Variants in GALNT14 observed in about 807,000 individuals in gnomAD.
The protein encoded by GALNT14 is UDP-GalNAc:polypeptide N-acetylgalactosaminyltransferase 14.
A neutral mutation model predicts 77.5 loss-of-function variants in GALNT14; 60 were observed. That is an observed-to-expected ratio of 0.77 (90% confidence interval 0.63 to 0.96). The LOEUF (loss-of-function observed/expected upper bound fraction) is 0.96, where lower values mean the gene tolerates loss of function less well. Ranked by LOEUF, GALNT14 falls within the 40% of genes least tolerant of loss-of-function variation. The pLI is 0.00. For missense variants in GALNT14, 710 were observed against 731.0 expected (o/e 0.97, Z 0.33); for synonymous variants, 280 against 281.7 (o/e 0.99, Z 0.06).
intron 1 of GALNT14, among the ~76,000 whole-genome samples, chr2:31,030,339 G>GAA (rs1419980769): frequency 6.6e-6 from 1 of 150,454 alleles, no homozygotes; most frequent in Admixed American, 6.6e-5. Context: ...GGGCTGGATG[G>GAA]AAAAAAAAAT....
chr2:31,117,844 C>T (rs1266506308), intron 1 of GALNT14, among the ~76,000 whole-genome samples: 2 of 152,136 alleles, frequency 1.3e-5, no homozygotes, highest in African/African-American at 4.8e-5. Flanking sequence ...AGCTTTCTTC[C>T]ATTCAGTTAT....
intron 1 of GALNT14, among the ~76,000 whole-genome samples, chr2:31,071,654 C>T (rs1376300634): frequency 2.0e-5 from 3 of 152,124 alleles, no homozygotes; most frequent in Admixed American, 2.0e-4. Flanking sequence ...GGAATCTGCC[C>T]CCCGGTTTCT....
intron 9 of GALNT14, among the ~76,000 whole-genome samples, chr2:30,933,803 G>C (rs973271009): frequency 6.6e-6 from 1 of 152,334 alleles, no homozygotes; most frequent in South Asian, 2.1e-4. Context: ...GCTTAAGCTC[G>C]CGGAGGCCTG....
intron 3 of GALNT14, among the ~76,000 whole-genome samples, chr2:30,963,261 G>C (rs1667800294): frequency 6.6e-6 from 1 of 152,174 alleles, no homozygotes; most frequent in African/African-American, 2.4e-5. Flanking sequence ...CAGGCAGGCA[G>C]ACAGAGGAGC....
chr2:30,989,876 G>A (rs1470337791), intron 2 of GALNT14, among the ~76,000 whole-genome samples: 1 of 151,656 alleles, frequency 6.6e-6, no homozygotes, highest in Non-Finnish European at 1.5e-5. Context: ...CTGTAAACAG[G>A]GCAATCTGAT....
chr2:31,065,733 G>C (rs772374871), intron 1 of GALNT14, among the ~76,000 whole-genome samples: 2 of 152,176 alleles, frequency 1.3e-5, no homozygotes, highest in Non-Finnish European at 2.9e-5. Flanking sequence ...AATCGTGCTG[G>C]GGAGCCTCTG....
intron 1 of GALNT14, among the ~76,000 whole-genome samples, chr2:31,007,770 T>C (rs1670774045): frequency 6.6e-6 from 1 of 152,206 alleles, no homozygotes; most frequent in Non-Finnish European, 1.5e-5. Flanking sequence ...AGTTATCCGT[T>C]TCCTTAGTGC....
intron 2 of GALNT14, among the ~76,000 whole-genome samples, chr2:30,974,866 G>A (rs375995167): frequency 2.0e-5 from 3 of 152,164 alleles, no homozygotes; most frequent in South Asian, 2.1e-4. Flanking sequence ...CTAGACATAC[G>A]ATAAATGTCT....
chr2:31,096,997 C>T (rs1417657014), intron 1 of GALNT14, among the ~76,000 whole-genome samples: 1 of 152,090 alleles, frequency 6.6e-6, no homozygotes, highest in African/African-American at 2.4e-5. Flanking sequence ...TGCTTTGAGA[C>T]CACACATGAT....
At chr2:31,020,989 C>T (rs68190529) in intron 1 of GALNT14, among the ~76,000 whole-genome samples, 16,879 of 152,196 alleles carry the variant, frequency 0.11, 1,177 homozygotes, top group African/African-American at 0.19. Flanking sequence ...ATCTCAGCCA[C>T]GCAGCCCCTT....
At chr2:31,137,902 C>A (rs976141778) in intron 1 of GALNT14, 56 bp downstream of exon 1, 2 of 1,556,206 alleles carry the variant, frequency 1.3e-6, no homozygotes, top group Middle Eastern at 1.7e-4. Context: ...GGCACGCGGG[C>A]TGCGCGCCCT....
chr2:30,942,138 C>A, intron 9 of GALNT14, 63 bp downstream of exon 9: 1 of 1,216,748 alleles, frequency 8.2e-7, no homozygotes, highest in South Asian at 1.3e-5. Context: ...CCACAGAGGT[C>A]CCCGCCCCAA....
intron 1 of GALNT14, among the ~76,000 whole-genome samples, chr2:31,082,891 G>A (rs1292770468): frequency 3.3e-5 from 5 of 152,104 alleles, no homozygotes; most frequent in East Asian, 1.9e-4. Flanking sequence ...GATGGCACAC[G>A]CCTGTAGTTC....
intron 1 of GALNT14, among the ~76,000 whole-genome samples, chr2:31,112,396 T>A (rs940205228): frequency 1.3e-5 from 2 of 152,304 alleles, no homozygotes; most frequent in African/African-American, 4.8e-5. Flanking sequence ...TCATTCCTCA[T>A]GGTAAACTGT....
At chr2:31,111,995 CTT>C (rs398080139) in intron 1 of GALNT14, among the ~76,000 whole-genome samples, 1,973 of 134,076 alleles carry the variant, frequency 0.015, 38 homozygotes, top group African/African-American at 0.056. Context: ...TGTGTACTTG[CTT>C]TTTTTTTTTT....
chr2:31,130,186 A>G (rs943602480), intron 1 of GALNT14, among the ~76,000 whole-genome samples: 2 of 152,206 alleles, frequency 1.3e-5, no homozygotes, highest in African/African-American at 4.8e-5. Context: ...TGTACTTGAA[A>G]CCAGCATTGT....
intron 1 of GALNT14, chr2:31,129,172 G>C (rs879869485): frequency 1.9e-5 from 3 of 158,036 alleles, no homozygotes; most frequent in African/African-American, 7.2e-5. Flanking sequence ...TCAAAAGAGC[G>C]AGTTGAAGCC....
intron 2 of GALNT14, among the ~76,000 whole-genome samples, chr2:30,987,265 G>A (rs1669357326): frequency 2.0e-5 from 3 of 152,120 alleles, no homozygotes; most frequent in East Asian, 1.9e-4. Context: ...GCATGTAAGG[G>A]GTGAGGTGGG....
chr2:31,130,044 C>T (rs1051693659), intron 1 of GALNT14, among the ~76,000 whole-genome samples: 1 of 152,166 alleles, frequency 6.6e-6, no homozygotes, highest in Non-Finnish European at 1.5e-5. Flanking sequence ...TGTGAGTGTG[C>T]CCTGCTCTCC....
Sources: gnomAD v4.1 joint callset for allele counts (sites outside exome capture counted in the v4.1 genomes callset) on GRCh38, gnomAD v4.1.1 for gene constraint, MANE v1.5 for transcripts, NCBI Gene and HGNC (gene_info 2026-07-23, HGNC 2026-07-21) for gene names.